The following STXBP2 variants were observed in gnomAD, a reference collection of about 807,000 sequenced individuals.
STXBP2 encodes the protein syntaxin-binding protein 2.
STXBP2 carries 47 observed loss-of-function variants against 72.2 expected under a neutral mutation model. The ratio of observed to expected loss-of-function variants is 0.65; its 90% CI spans 0.51 to 0.83. STXBP2 has a LOEUF of 0.83. Ranked by LOEUF, STXBP2 falls within the 40% of genes least tolerant of loss-of-function variation. STXBP2 has a pLI of 0.00. For synonymous variants in STXBP2, 367 were observed against 338.7 expected, an observed-to-expected ratio of 1.08 and a Z score of -0.92; for missense variants, 702 against 807.6, an observed-to-expected ratio of 0.87 and a Z score of 1.58.
upstream of STXBP2, among the ~76,000 whole-genome samples, chr19:7,634,918 C>G (rs11260005): frequency 0.44 from 66,653 of 151,926 alleles, 15,208 homozygotes; most frequent in East Asian, 0.67. Flanking sequence ...ACCCATTTCC[C>G]CACCCCCCCA....
intron 13 of STXBP2, among the ~76,000 whole-genome samples, chr19:7,644,080 G>A (rs113892532): frequency 0.015 from 1,473 of 99,478 alleles, no homozygotes; most frequent in East Asian, 0.036. Context: ...GAGGGGTGGA[G>A]CCTTGGAGAG....
upstream of STXBP2, chr19:7,632,807 G>A: frequency 1.7e-5 from 27 of 1,558,710 alleles, no homozygotes; most frequent in Non-Finnish European, 2.3e-5. This position sits in a 1 kb window ranked among gnomAD's most constrained non-coding sequence, Gnocchi z 5.2. Flanking sequence ...GATTGAAGAA[G>A]CCCTCCTGGT....
chr19:7,641,356 C>T (rs373874989), intron 6 of STXBP2, among the ~76,000 whole-genome samples: 2 of 152,052 alleles, frequency 1.3e-5, no homozygotes, highest in Admixed American at 6.6e-5. Flanking sequence ...GGCGACAGAG[C>T]GAGATCCTGT....
At chr19:7,635,558 C>T (rs148638781), upstream of STXBP2, among the ~76,000 whole-genome samples, 1,426 of 152,182 alleles carry the variant, frequency 9.4e-3, 23 homozygotes, top group African/African-American at 0.031. Flanking sequence ...CAACCGGGCA[C>T]GGTGGCGTGC....
At chr19:7,647,095 G>C (rs984645417) in intron 16 of STXBP2, 67 bp from the exon 17 acceptor site, 267 of 1,539,650 alleles carry the variant, frequency 1.7e-4, no homozygotes, top group Non-Finnish European at 2.3e-4. Flanking sequence ...AATACCCCGT[G>C]GGGGGCACTC....
At chr19:7,637,704 T>C (rs1305342273) in intron 1 of STXBP2, among the ~76,000 whole-genome samples, 2 of 152,140 alleles carry the variant, frequency 1.3e-5, no homozygotes, top group Non-Finnish European at 2.9e-5. Flanking sequence ...CGTCCAGGCC[T>C]CACCGGCCCC....
At chr19:7,647,659 C>T (rs1002082797) in intron 18 of STXBP2, 66 bp from the exon 19 acceptor site, 57 of 1,603,276 alleles carry the variant, frequency 3.6e-5, no homozygotes, top group African/African-American at 2.8e-4. Context: ...CAGCCGGGAC[C>T]GGGAGCCTGT....
At chr19:7,644,532 C>A in intron 13 of STXBP2, 82 bp from the exon 14 acceptor site, 1 of 1,583,934 alleles carries the variant, frequency 6.3e-7, no homozygotes, top group Non-Finnish European at 8.6e-7. Flanking sequence ...TGCCGAGGAT[C>A]CTGGGGATGT....
chr19:7,647,310 G>A (rs756181480), intron 17 of STXBP2, 44 bp from the exon 18 acceptor site: 25 of 1,611,854 alleles, frequency 1.6e-5, no homozygotes, highest in South Asian at 8.8e-5. Context: ...GCCTGGCGGC[G>A]GTGAGGGCCT....
At chr19:7,637,045 G>T, upstream of STXBP2, 1 of 1,183,982 alleles carries the variant, frequency 8.4e-7, no homozygotes. Flanking sequence ...GGTGCGCAGG[G>T]GGCGGGGACA....
intron 4 of STXBP2, 111 bp downstream of exon 4, chr19:7,639,918 G>T (rs770480397): frequency 8.4e-7 from 1 of 1,191,568 alleles, no homozygotes; most frequent in Middle Eastern, 2.5e-4. Context: ...ACGTGTGCAT[G>T]TGTCCATGTG....
upstream of STXBP2, chr19:7,632,420 C>G: frequency 6.2e-7 from 1 of 1,613,994 alleles, no homozygotes; most frequent in Non-Finnish European, 8.5e-7. The surrounding 1 kb of genome is among the most constrained non-coding windows in gnomAD (Gnocchi z 5.2). Flanking sequence ...GGAAGCCGGG[C>G]AGGCTGCTGA....
At chr19:7,632,949 T>A (rs1330013186), upstream of STXBP2, 4 of 1,479,414 alleles carry the variant, frequency 2.7e-6, no homozygotes, top group Non-Finnish European at 3.6e-6. The surrounding 1 kb of genome is among the most constrained non-coding windows in gnomAD (Gnocchi z 5.2). Context: ...TCCTCAGCTC[T>A]CACCATGGTC....
At chr19:7,641,424 G>A (rs1471364378) in intron 6 of STXBP2, among the ~76,000 whole-genome samples, 1 of 152,134 alleles carries the variant, frequency 6.6e-6, no homozygotes, top group African/African-American at 2.4e-5. Context: ...AGAGTCCAAG[G>A]AGCTCTTGCC....
chr19:7,637,872 T>G (rs564843620), intron 1 of STXBP2, among the ~76,000 whole-genome samples: 56 of 152,290 alleles, frequency 3.7e-4, no homozygotes, highest in African/African-American at 1.2e-3. Flanking sequence ...CTCTCTCCTC[T>G]AGGCAGGGCG....
Position 7,647,512 on chromosome 19 carries a change from G to A in STXBP2, c.1696+1G>A, listed in dbSNP as rs1241257956. 1 of 1,592,976 alleles carries A rather than the reference G, an allele frequency of 6.3e-7. No individual in the cohort carries two copies. Among genetic ancestry groups the A allele is most frequent in the Non-Finnish European group, 8.6e-7 (1 of 1,169,150 alleles). ...GAGGGCAAGTGGGAGGTGCTCATTG[G>A]TAAGTCACCAGGACTGGGACCCTGG... On this transcript the variant is annotated splice_donor_variant, in intron 18 of 18. Transcript: ENST00000221283. LOFTEE classifies it high-confidence loss of function.
intron 1 of STXBP2, among the ~76,000 whole-genome samples, chr19:7,638,232 A>G (rs961911440): frequency 6.6e-6 from 1 of 152,252 alleles, no homozygotes; most frequent in Non-Finnish European, 1.5e-5. Flanking sequence ...TAGGTGAGTT[A>G]CATGTTGCCT....
upstream of STXBP2, chr19:7,636,187 AG>A (rs1271620462): frequency 2.0e-5 from 3 of 152,130 alleles, no homozygotes; most frequent in African/African-American, 2.4e-5. Context: ...TGTAAGTGGC[AG>A]GGGGCTTGGT....
intron 18 of STXBP2, 39 bp from the exon 19 acceptor site, chr19:7,647,686 G>T (rs753772503): frequency 6.2e-7 from 1 of 1,610,212 alleles, no homozygotes; most frequent in Admixed American, 1.7e-5. Flanking sequence ...CGAAGGCAGC[G>T]CCCCCCAACA....
Sources: allele counts gnomAD v4.1 joint callset (sites outside exome capture counted in the v4.1 genomes callset), GRCh38; gene constraint gnomAD v4.1.1; non-coding constraint Gnocchi (gnomAD v3.1); transcripts MANE v1.5; gene names NCBI Gene and HGNC (gene_info 2026-07-23, HGNC 2026-07-21).